XRCC4: variants seen among roughly 807,000 people sequenced by gnomAD.
XRCC4 encodes DNA repair protein XRCC4.
XRCC4 carries 28 observed loss-of-function variants against 39.1 expected under a neutral mutation model. The ratio of observed to expected loss-of-function variants is 0.72; its 90% CI spans 0.53 to 0.98. XRCC4 has a LOEUF of 0.98. Ranked by LOEUF, XRCC4 falls within the 50% of genes least tolerant of loss-of-function variation. The pLI is 0.00. For synonymous variants in XRCC4, 123 were observed against 126.4 expected, an observed-to-expected ratio of 0.97 and a Z score of 0.18; for missense variants, 350 against 376.4, an observed-to-expected ratio of 0.93 and a Z score of 0.58.
chr5:83,124,248 T>A (rs955524215), intron 3 of XRCC4, among the ~76,000 whole-genome samples: 2 of 152,168 alleles, frequency 1.3e-5, no homozygotes, highest in Non-Finnish European at 2.9e-5. Context: ...GAAACCTCTT[T>A]ATTCCCTTGT....
At chr5:83,248,123 A>G (rs554734773) in intron 6 of XRCC4, among the ~76,000 whole-genome samples, 1 of 152,288 alleles carries the variant, frequency 6.6e-6, no homozygotes, top group African/African-American at 2.4e-5. Context: ...AGAGTTGAGC[A>G]GAATACTCTT....
intron 3 of XRCC4, among the ~76,000 whole-genome samples, chr5:83,129,390 A>G (rs1747444385): frequency 6.6e-6 from 1 of 151,896 alleles, no homozygotes; most frequent in Non-Finnish European, 1.5e-5. Context: ...CTTGTAGTAT[A>G]GTTTGAAGTC....
intron 3 of XRCC4, among the ~76,000 whole-genome samples, chr5:83,170,430 C>T (rs1749670320): frequency 1.3e-5 from 2 of 152,098 alleles, no homozygotes; most frequent in African/African-American, 4.8e-5. Flanking sequence ...ACAGTTCTAC[C>T]AACCCCATCA....
intron 3 of XRCC4, among the ~76,000 whole-genome samples, chr5:83,115,210 C>T (rs1184052392): frequency 6.6e-6 from 1 of 152,074 alleles, no homozygotes; most frequent in Non-Finnish European, 1.5e-5. Flanking sequence ...GGCGGATCAC[C>T]TGAGGTTGGG....
intron 7 of XRCC4, among the ~76,000 whole-genome samples, chr5:83,347,830 T>A (rs999867749): frequency 3.3e-5 from 5 of 152,166 alleles, no homozygotes; most frequent in African/African-American, 9.7e-5. Context: ...CCTACGAGCC[T>A]ATAAAATCAA....
At chr5:83,311,701 A>G (rs1755714081) in intron 7 of XRCC4, among the ~76,000 whole-genome samples, 1 of 152,096 alleles carries the variant, frequency 6.6e-6, no homozygotes, top group African/African-American at 2.4e-5. Context: ...CAGAACAAAA[A>G]GTTGTATCTG....
At chr5:83,345,452 C>G (rs2112215314) in intron 7 of XRCC4, among the ~76,000 whole-genome samples, 1 of 152,124 alleles carries the variant, frequency 6.6e-6, no homozygotes, top group African/African-American at 2.4e-5. Context: ...AGTTAGGCCT[C>G]AAAAAATTAG....
At chr5:83,285,832 G>A (rs1355974818) in intron 7 of XRCC4, among the ~76,000 whole-genome samples, 4 of 152,088 alleles carry the variant, frequency 2.6e-5, no homozygotes, top group South Asian at 2.1e-4. Flanking sequence ...TTTGTTCAGC[G>A]GGGCGGAGGC....
chr5:83,161,760 C>T (rs1264649059), intron 3 of XRCC4, among the ~76,000 whole-genome samples: 1 of 152,198 alleles, frequency 6.6e-6, no homozygotes, highest in East Asian at 1.9e-4. Flanking sequence ...AAGTAGGCTA[C>T]ATTTTTATCT....
intron 1 of XRCC4, among the ~76,000 whole-genome samples, chr5:83,091,692 T>A (rs1334836419): frequency 6.6e-6 from 1 of 152,204 alleles, no homozygotes; most frequent in Non-Finnish European, 1.5e-5. Flanking sequence ...AATTACAAAG[T>A]TATTTTTATT....
chr5:83,078,632 T>C (rs1580185222), intron 1 of XRCC4, among the ~76,000 whole-genome samples: 1 of 152,256 alleles, frequency 6.6e-6, no homozygotes, highest in African/African-American at 2.4e-5. Context: ...GGTTTTGTTT[T>C]AAACTATAAC....
At chr5:83,099,184 G>A (rs981207771) in intron 1 of XRCC4, among the ~76,000 whole-genome samples, 2 of 152,144 alleles carry the variant, frequency 1.3e-5, no homozygotes, top group African/African-American at 4.8e-5. Context: ...TTCTCAACAA[G>A]GGGGCACTTA....
intron 7 of XRCC4, among the ~76,000 whole-genome samples, chr5:83,336,624 T>C (rs1345337623): frequency 6.6e-6 from 1 of 152,170 alleles, no homozygotes; most frequent in East Asian, 1.9e-4. Flanking sequence ...GAGATTTAAA[T>C]TGACTAACAT....
At chr5:83,171,401 T>G (rs1749716303) in intron 3 of XRCC4, among the ~76,000 whole-genome samples, 1 of 152,150 alleles carries the variant, frequency 6.6e-6, no homozygotes, top group Admixed American at 6.6e-5. Flanking sequence ...AAATATAGTC[T>G]ATAGATATTT....
intron 6 of XRCC4, among the ~76,000 whole-genome samples, chr5:83,212,390 A>G (rs1028158384): frequency 6.6e-6 from 1 of 152,180 alleles, no homozygotes; most frequent in Non-Finnish European, 1.5e-5. Context: ...CTGAATATAG[A>G]TCAATAGAGT....
intron 7 of XRCC4, among the ~76,000 whole-genome samples, chr5:83,344,823 T>C (rs1386999427): frequency 6.6e-6 from 1 of 152,156 alleles, no homozygotes; most frequent in East Asian, 1.9e-4. Flanking sequence ...CCTTGACAGT[T>C]ACTACCAAAT....
rs758992866 is a variant in XRCC4, at chr5:83,256,804, A to G, written c.746-1726A>G. Among the ~76,000 whole-genome samples, 30 of 152,200 alleles carry G rather than the reference A, an allele frequency of 2.0e-4. 1 individual carries two copies. Among genetic ancestry groups the G allele is most frequent in the African/African-American group, 2.7e-4 (11 of 41,468 alleles). On this transcript the variant is annotated intron_variant, in intron 6 of 7. Coordinates refer to ENST00000396027, the MANE Select transcript of XRCC4 (RefSeq NM_003401.5). Reference sequence around the variant, plus strand: ...CAAAGAATAATTTACCAACTAGGAAAAAATATTTTTTAATTGTCATAATGA... The same window carrying G: ...CAAAGAATAATTTACCAACTAGGAAGAAATATTTTTTAATTGTCATAATGA...
intron 7 of XRCC4, among the ~76,000 whole-genome samples, chr5:83,306,503 C>A (rs1471318948): frequency 4.5e-5 from 1 of 21,990 alleles, no homozygotes; most frequent in Non-Finnish European, 7.7e-5. Context: ...GAATTGTATA[C>A]TTTTCCCAAG....
chr5:83,240,759 C>T lies in XRCC4; in HGVS notation c.746-17771C>T, dbSNP rs186500589. Reference sequence around the variant, plus strand: ...AGATCACCAGGAAAAACCAGTACCACGGTATATTGGGAGTTCTAAAACTTA... The same window carrying T: ...AGATCACCAGGAAAAACCAGTACCATGGTATATTGGGAGTTCTAAAACTTA... On this transcript the variant is annotated intron_variant, in intron 6 of 7. Transcript: ENST00000396027. 5.3e-5 allele frequency among the ~76,000 whole-genome samples: 8 copies of T among 152,202 alleles called. No homozygotes were observed. The East Asian group carries it at 1.4e-3, about 26-fold the overall frequency.
Sources: allele counts gnomAD v4.1 joint callset (sites outside exome capture counted in the v4.1 genomes callset), GRCh38; gene constraint gnomAD v4.1.1; transcripts MANE v1.5; gene names NCBI Gene and HGNC (gene_info 2026-07-23, HGNC 2026-07-21).